ODF2: variants seen among roughly 807,000 people sequenced by gnomAD.
The protein encoded by ODF2 is outer dense fiber of sperm tails 2.
In ODF2, 47 loss-of-function variants were observed where a neutral mutation model predicts 110.2. The ratio of observed to expected loss-of-function variants is 0.43; its 90% CI spans 0.34 to 0.54. The LOEUF (loss-of-function observed/expected upper bound fraction) is 0.54, where lower values mean the gene tolerates loss of function less well. ODF2 is among the 20% of genes least tolerant of loss of function. ODF2 has a pLI of 0.03. For missense variants in ODF2, 812 were observed against 1,054.5 expected, an observed-to-expected ratio of 0.77 and a Z score of 3.19; for synonymous variants, 352 against 397.7, an observed-to-expected ratio of 0.89 and a Z score of 1.37.
intron 3 of ODF2, chr9:128,460,151 T>C (rs1588697063): frequency 2.3e-6 from 3 of 1,296,908 alleles, no homozygotes; most frequent in African/African-American, 1.5e-5. Context: ...CCAATCTGCA[T>C]GCCCAGTTGA....
intron 8 of ODF2, among the ~76,000 whole-genome samples, chr9:128,476,283 T>A (rs1421210584): frequency 6.6e-6 from 1 of 152,118 alleles, no homozygotes; most frequent in Non-Finnish European, 1.5e-5. Context: ...ATGGTGACGT[T>A]CTTCTTATTT....
At chr9:128,470,666 T>C (rs1231999942) in intron 5 of ODF2, among the ~76,000 whole-genome samples, 1 of 151,194 alleles carries the variant, frequency 6.6e-6, no homozygotes, top group Non-Finnish European at 1.5e-5. Context: ...TAACTCAAAG[T>C]GCAAGAGCCT....
intron 18 of ODF2, 22 bp downstream of exon 18, chr9:128,496,163 C>T: frequency 6.2e-7 from 1 of 1,613,314 alleles, no homozygotes; most frequent in South Asian, 1.1e-5. Context: ...TTGGTCCCAT[C>T]TCTGTCCTCT....
rs757731718 is a variant in ODF2 at position 128,483,932 on chromosome 9, C to T, written c.988-6C>T. The T allele has an allele frequency of 1.4e-5, 22 of 1,604,854 alleles. No homozygotes were observed. The highest frequency in any genetic ancestry group is 1.8e-5 in the Non-Finnish European group (21 of 1,172,080). On this transcript the variant is annotated splice_region_variant and splice_polypyrimidine_tract_variant and intron_variant, in intron 10 of 20. Coordinates refer to ENST00000604420, the Ensembl canonical transcript of ODF2. ...TGCCTCCATCACTTTTTCCGTCTCT[C>T]CACAGGCTCAAGCAAAGACAGCCTC... is the stretch of plus-strand genomic sequence containing the variant.
chr9:128,477,828 A>T lies in ODF2; in HGVS notation c.844-3752A>T, dbSNP rs1033456894. 2.0e-5 allele frequency among the ~76,000 whole-genome samples: 3 copies of T among 151,436 alleles called. 1 individual carries two copies. The highest frequency in any genetic ancestry group is 7.3e-5 in the African/African-American group (3 of 41,224). Reference sequence around the variant, plus strand: ...TGTCCAGCCTGGTCTCAAACTCCTGACCTCAGGTAATCCACCCGCCTCAGC... The same window carrying T: ...TGTCCAGCCTGGTCTCAAACTCCTGTCCTCAGGTAATCCACCCGCCTCAGC... On this transcript the variant is annotated intron_variant, in intron 8 of 20. Transcript: ENST00000604420.
chr9:128,460,590 A>T, intron 3 of ODF2: 1 of 1,613,692 alleles, frequency 6.2e-7, no homozygotes. Flanking sequence ...CCCCCCTTAC[A>T]TGTTCACGTG....
At chr9:128,455,395 C>CA (rs56260592), upstream of ODF2, 97,470 of 438,592 alleles carry the variant, frequency 0.22, 12,269 homozygotes, top group African/African-American at 0.44. Flanking sequence ...ACTAAAAATA[C>CA]AAAAAAAAAT....
chr9:128,457,172 T>C (rs1835102683), intron 1 of ODF2: 8 of 1,438,674 alleles, frequency 5.6e-6, no homozygotes, highest in Non-Finnish European at 6.5e-6. Context: ...TCGCTCAGCC[T>C]CTACTATTTC....
chr9:128,472,929 C>A, exon 7 of ODF2: 1 of 1,614,048 alleles, frequency 6.2e-7, no homozygotes, highest in Non-Finnish European at 8.5e-7. Context: ...GAAGAAACAC[C>A]TACAACAGGA....
In ODF2 at chr9:128,493,321, G is replaced by T. The variant is rs1053289807; in HGVS notation, c.1752+516G>T. Among the ~76,000 whole-genome samples, 9 of 152,246 alleles carry T rather than the reference G, an allele frequency of 5.9e-5. No individual in the cohort carries two copies. In the East Asian group the frequency reaches 1.7e-3, roughly 29 times the overall value. On this transcript the variant is annotated intron_variant, in intron 16 of 20. Coordinates refer to ENST00000604420, the Ensembl canonical transcript of ODF2. The stretch of plus-strand genomic sequence containing the variant: ...AATCGCTTGAACCCAGGAGGTGGAG[G>T]TAGCAGTGAGCCGTCATTGTGCCAC...
intron 1 of ODF2, chr9:128,456,929 A>G (rs891526379): frequency 1.5e-5 from 19 of 1,243,286 alleles, no homozygotes; most frequent in Admixed American, 3.5e-5. Flanking sequence ...CCCTTCTCCT[A>G]GGAGACAGTT....
intron 8 of ODF2, among the ~76,000 whole-genome samples, chr9:128,478,860 C>T (rs935794372): frequency 2.6e-5 from 4 of 152,208 alleles, no homozygotes; most frequent in South Asian, 2.1e-4. Flanking sequence ...GAGTCCGAGT[C>T]GGCTCCAGGG....
chr9:128,456,106 G>A, upstream of ODF2: 26 of 1,545,086 alleles, frequency 1.7e-5, no homozygotes, highest in Non-Finnish European at 2.0e-5. Context: ...GCGAGCTGCC[G>A]ACCGGGTGTC....
Position 128,483,651 on chromosome 9 carries a change from G to A in ODF2, c.988-287G>A, listed in dbSNP as rs574789489. ...TGTAATCCCAGCACTTTGGGAGGCC[G>A]AGGCAGGTGGATCACTTGAGGTCAG... On this transcript the variant is annotated intron_variant, in intron 10 of 20. Transcript: ENST00000604420. Among the ~76,000 whole-genome samples the A allele has an allele frequency of 8.6e-5, 13 of 151,612 alleles. No homozygotes were observed. In the East Asian group the frequency reaches 9.8e-4, roughly 11 times the overall value.
rs531093198 is a variant in ODF2, at chr9:128,477,060, A to T, written c.843+3319A>T. 5.9e-5 allele frequency among the ~76,000 whole-genome samples: 9 copies of T among 151,836 alleles called. No individual in the cohort carries two copies. In the South Asian group the frequency reaches 1.9e-3, roughly 32 times the overall value. On this transcript the variant is annotated intron_variant, in intron 8 of 20. Coordinates refer to ENST00000604420, the Ensembl canonical transcript of ODF2. ...GGAGTTCGAGACCAGCCTGGCCAACATGGTGACACCCCACCTCTACTGAAA... is the reference window on the plus strand; with the variant it reads ...GGAGTTCGAGACCAGCCTGGCCAACTTGGTGACACCCCACCTCTACTGAAA...
At chr9:128,499,156 G>A (rs1846144628) in intron 20 of ODF2, 30 bp downstream of exon 20, 1 of 1,613,700 alleles carries the variant, frequency 6.2e-7, no homozygotes. Context: ...CGGGCTAGGA[G>A]AGTGGGCAGC....
At chr9:128,476,095 T>C (rs1035842010) in intron 8 of ODF2, among the ~76,000 whole-genome samples, 3 of 152,038 alleles carry the variant, frequency 2.0e-5, no homozygotes, top group Non-Finnish European at 2.9e-5. Flanking sequence ...TGTGTATCTC[T>C]ACTGCGTTTT....
intron 7 of ODF2, 47 bp from the exon 8 acceptor site, chr9:128,473,563 C>T: frequency 1.2e-6 from 2 of 1,608,098 alleles, no homozygotes; most frequent in Non-Finnish European, 1.7e-6. Flanking sequence ...GGGCCTGCTT[C>T]TTCCCTTCTC....
intron 5 of ODF2, among the ~76,000 whole-genome samples, chr9:128,470,564 A>G (rs906251113): frequency 9.9e-5 from 15 of 151,674 alleles, no homozygotes; most frequent in African/African-American, 3.4e-4. Context: ...CAGAGGTTGC[A>G]GTGAGCTGAG....
Sources: allele counts gnomAD v4.1 joint callset (sites outside exome capture counted in the v4.1 genomes callset), GRCh38; gene constraint gnomAD v4.1.1; transcripts MANE v1.5; gene names NCBI Gene and HGNC (gene_info 2026-07-23, HGNC 2026-07-21).